MPPED2: variants seen among roughly 807,000 people sequenced by gnomAD.
MPPED2 encodes the protein metallophosphoesterase domain containing 2.
A neutral mutation model predicts 33.0 loss-of-function variants in MPPED2; 5 were observed. That is an observed-to-expected ratio of 0.15 (90% CI 0.08 to 0.32). The LOEUF is 0.32. Ranked by LOEUF, MPPED2 falls within the 10% of genes least tolerant of loss-of-function variation. MPPED2 has a pLI of 1.00. For missense variants in MPPED2, 275 were observed against 372.1 expected (o/e 0.74, Z 2.15); for synonymous variants, 136 against 141.9 (o/e 0.96, Z 0.29).
chr11:30,521,667 T>C (rs1371741624), intron 3 of MPPED2, among the ~76,000 whole-genome samples: 1 of 152,254 alleles, frequency 6.6e-6, no homozygotes, highest in Non-Finnish European at 1.5e-5. Context: ...TTAGGTAACT[T>C]TCTAATGTAA....
At chr11:30,529,982 G>C (rs1480844362) in intron 3 of MPPED2, among the ~76,000 whole-genome samples, 1 of 152,168 alleles carries the variant, frequency 6.6e-6, no homozygotes, top group Non-Finnish European at 1.5e-5. Flanking sequence ...ACCAAAGAAA[G>C]GCCATAATTG....
intron 4 of MPPED2, among the ~76,000 whole-genome samples, chr11:30,425,803 G>A (rs1387588187): frequency 1.3e-5 from 2 of 152,124 alleles, no homozygotes; most frequent in Non-Finnish European, 2.9e-5. Context: ...CTGCACTAAT[G>A]TCCAATCCTC....
intron 3 of MPPED2, chr11:30,504,897 G>A (rs1952749588): frequency 2.2e-6 from 2 of 919,816 alleles, no homozygotes; most frequent in Admixed American, 4.6e-5. Context: ...AGAAACCCAG[G>A]AGAAGGCAGG....
At chr11:30,517,600 T>C (rs1281478395) in intron 3 of MPPED2, among the ~76,000 whole-genome samples, 1 of 152,160 alleles carries the variant, frequency 6.6e-6, no homozygotes, top group Non-Finnish European at 1.5e-5. Context: ...TGTAGGCCTA[T>C]GTGTCTGGGA....
At chr11:30,551,796 G>A (rs550620664) in intron 2 of MPPED2, among the ~76,000 whole-genome samples, 10 of 152,116 alleles carry the variant, frequency 6.6e-5, no homozygotes, top group Non-Finnish European at 1.3e-4. Context: ...CTGGAATATG[G>A]GCAAGTTACT....
chr11:30,392,723 A>G (rs773454560), intron 6 of MPPED2, among the ~76,000 whole-genome samples: 7 of 152,146 alleles, frequency 4.6e-5, no homozygotes, highest in Non-Finnish European at 8.8e-5. Flanking sequence ...GGAGCATGAG[A>G]TAGTAATGGA....
At chr11:30,579,189 T>TG (rs770691591) in intron 2 of MPPED2, among the ~76,000 whole-genome samples, 31 of 147,916 alleles carry the variant, frequency 2.1e-4, no homozygotes, top group African/African-American at 5.5e-4. Context: ...AATTCCAGGG[T>TG]GGGGGGGTGT....
At chr11:30,574,589 T>C (rs1266027183) in intron 2 of MPPED2, among the ~76,000 whole-genome samples, 1 of 152,164 alleles carries the variant, frequency 6.6e-6, no homozygotes, top group African/African-American at 2.4e-5. Context: ...CTTGAGCAAG[T>C]TGAGTTATAC....
chr11:30,476,596 A>G (rs927108190), intron 4 of MPPED2, among the ~76,000 whole-genome samples: 3 of 151,988 alleles, frequency 2.0e-5, no homozygotes, highest in African/African-American at 7.2e-5. Flanking sequence ...TTTCTTTGAC[A>G]TTGATCTATG....
intron 4 of MPPED2, among the ~76,000 whole-genome samples, chr11:30,468,264 T>A (rs139044095): frequency 0.27 from 29,220 of 109,516 alleles, 2,698 homozygotes; most frequent in East Asian, 0.34. Flanking sequence ...ACACTCTCTC[T>A]CTCTCTCTCT....
At chr11:30,551,228 T>C (rs1165470515) in intron 2 of MPPED2, among the ~76,000 whole-genome samples, 2 of 152,178 alleles carry the variant, frequency 1.3e-5, no homozygotes, top group East Asian at 3.9e-4. Context: ...TTAGGCACCA[T>C]GCCAAGCACT....
chr11:30,464,527 C>T (rs537476528), intron 4 of MPPED2, among the ~76,000 whole-genome samples: 1 of 152,252 alleles, frequency 6.6e-6, no homozygotes, highest in Admixed American at 6.5e-5. Context: ...TAATAAGCCA[C>T]TTTGAAACTC....
chr11:30,496,747 G>A (rs544223668), intron 3 of MPPED2, among the ~76,000 whole-genome samples: 6 of 152,050 alleles, frequency 3.9e-5, no homozygotes, highest in South Asian at 4.2e-4. Flanking sequence ...AAGTTCCATC[G>A]TCAGTCCACT....
Position 30,522,718 on chromosome 11 carries a change from G to A in MPPED2, c.310+13276C>T, listed in dbSNP as rs375397690. Among the ~76,000 whole-genome samples the A allele has an allele frequency of 4.5e-4, 69 of 152,238 alleles. 1 individual carries two copies. The highest frequency in any genetic ancestry group is 1.5e-3 in the African/African-American group (63 of 41,544). ...TGTGGGAATGGCTGCATTGAATTAC[G>A]TGGACAGTGCTATAATTATGTCGTC... On this transcript the variant is annotated intron_variant, in intron 3 of 6. Transcript: ENST00000358117.
intron 2 of MPPED2, among the ~76,000 whole-genome samples, chr11:30,567,458 C>A (rs1387484106): frequency 6.6e-6 from 1 of 151,994 alleles, no homozygotes; most frequent in Non-Finnish European, 1.5e-5. Context: ...GTGTTAAATC[C>A]TTTTTCCCAG....
At chr11:30,462,647 A>G (rs1416045177) in intron 4 of MPPED2, among the ~76,000 whole-genome samples, 1 of 152,064 alleles carries the variant, frequency 6.6e-6, no homozygotes, top group African/African-American at 2.4e-5. Flanking sequence ...CTCCAAGAGA[A>G]GTTTACTAAT....
chr11:30,439,672 C>T (rs758721695), intron 4 of MPPED2, among the ~76,000 whole-genome samples: 2 of 152,208 alleles, frequency 1.3e-5, no homozygotes, highest in African/African-American at 2.4e-5. Context: ...CTATATAATA[C>T]ATGCTTCTTC....
At chr11:30,502,166 T>C (rs1286410427) in intron 3 of MPPED2, among the ~76,000 whole-genome samples, 2 of 152,180 alleles carry the variant, frequency 1.3e-5, no homozygotes, top group Non-Finnish European at 2.9e-5. Flanking sequence ...CTAAGTGCAG[T>C]CACAGGCCAC....
At chr11:30,547,760 A>G (rs1955500958) in intron 2 of MPPED2, among the ~76,000 whole-genome samples, 1 of 152,198 alleles carries the variant, frequency 6.6e-6, no homozygotes, top group Non-Finnish European at 1.5e-5. Flanking sequence ...AATCTGTTAC[A>G]ACAACTTTCT....
Sources: allele counts gnomAD v4.1 joint callset (sites outside exome capture counted in the v4.1 genomes callset), GRCh38; gene constraint gnomAD v4.1.1; transcripts MANE v1.5; gene names NCBI Gene and HGNC (gene_info 2026-07-23, HGNC 2026-07-21).